Variants in EPHB1 observed in about 807,000 individuals in gnomAD.
EPHB1 encodes EPH receptor B1.
Under a neutral mutation model 94.4 loss-of-function variants are expected in EPHB1, and 30 were observed. That is an observed-to-expected ratio of 0.32 (90% confidence interval 0.24 to 0.43). The LOEUF (loss-of-function observed/expected upper bound fraction) is 0.43. EPHB1 is among the 20% of genes least tolerant of loss of function. EPHB1 has a pLI of 1.00. For missense variants in EPHB1, 1,055 were observed against 1,308.3 expected (o/e 0.81, Z 2.99); for synonymous variants, 522 against 489.1 (o/e 1.07, Z -0.89).
chr3:135,059,333 A>G (rs1576353022), intron 3 of EPHB1, among the ~76,000 whole-genome samples: 1 of 152,218 alleles, frequency 6.6e-6, no homozygotes, highest in African/African-American at 2.4e-5. Flanking sequence ...GTACCATGTT[A>G]TCTGGAATAT....
At chr3:135,115,019 A>G (rs1008442187) in intron 4 of EPHB1, among the ~76,000 whole-genome samples, 1 of 152,166 alleles carries the variant, frequency 6.6e-6, no homozygotes, top group African/African-American at 2.4e-5. Context: ...ATAAATTTTT[A>G]GAGAAAGAAA....
chr3:134,892,805 C>G (rs2038012285), intron 1 of EPHB1, among the ~76,000 whole-genome samples: 1 of 152,100 alleles, frequency 6.6e-6, no homozygotes, highest in South Asian at 2.1e-4. Flanking sequence ...CCTCCCCTCC[C>G]TCCCTCTATC....
At chr3:135,120,060 A>G (rs1029600708) in intron 4 of EPHB1, among the ~76,000 whole-genome samples, 6 of 152,198 alleles carry the variant, frequency 3.9e-5, no homozygotes, top group African/African-American at 1.2e-4. Context: ...AAGTCTCTGT[A>G]TATTATTCAT....
At chr3:135,223,953 G>A (rs1943331814) in intron 12 of EPHB1, among the ~76,000 whole-genome samples, 1 of 152,080 alleles carries the variant, frequency 6.6e-6, no homozygotes, top group Admixed American at 6.6e-5. Context: ...ATATAGTTAT[G>A]TGCCATATAA....
chr3:135,211,258 G>T (rs140188680), intron 12 of EPHB1, among the ~76,000 whole-genome samples: 1 of 152,112 alleles, frequency 6.6e-6, no homozygotes, highest in Non-Finnish European at 1.5e-5. Flanking sequence ...TGTTATATAT[G>T]TTCCATCTAC....
At chr3:134,882,193 T>C (rs989228051) in intron 1 of EPHB1, among the ~76,000 whole-genome samples, 4 of 152,182 alleles carry the variant, frequency 2.6e-5, no homozygotes, top group African/African-American at 9.7e-5. Flanking sequence ...TCAAGCCTCA[T>C]CCTATCAGGA....
chr3:135,072,916 A>T (rs1331389310), intron 3 of EPHB1, among the ~76,000 whole-genome samples: 1 of 152,004 alleles, frequency 6.6e-6, no homozygotes, highest in Non-Finnish European at 1.5e-5. Context: ...TGGCCCCTAC[A>T]TTTTCCAGTT....
At chr3:135,076,262 A>G (rs11916117) in intron 3 of EPHB1, among the ~76,000 whole-genome samples, 1 of 68,914 alleles carries the variant, frequency 1.5e-5, no homozygotes, top group Non-Finnish European at 2.6e-5. Context: ...TATATATATA[A>G]CTCTTAAATG....
intron 1 of EPHB1, among the ~76,000 whole-genome samples, chr3:134,914,572 G>C (rs775644341): frequency 6.6e-6 from 1 of 152,262 alleles, no homozygotes; most frequent in East Asian, 1.9e-4. Flanking sequence ...CAGGACTCTG[G>C]GGGGAGGGTT....
chr3:135,242,203 G>C (rs969898660), intron 13 of EPHB1, among the ~76,000 whole-genome samples: 4 of 152,192 alleles, frequency 2.6e-5, no homozygotes, highest in African/African-American at 7.2e-5. Context: ...CGTTGGAGCT[G>C]AGAGGATTAC....
chr3:135,062,454 A>C (rs1342550709), intron 3 of EPHB1, among the ~76,000 whole-genome samples: 1 of 151,920 alleles, frequency 6.6e-6, no homozygotes, highest in East Asian at 1.9e-4. Flanking sequence ...GATGCTGAGC[A>C]TTTTTTCATA....
intron 1 of EPHB1, among the ~76,000 whole-genome samples, chr3:134,881,936 A>G (rs771576488): frequency 5.9e-5 from 9 of 152,232 alleles, no homozygotes. Context: ...CAGAGGGTTA[A>G]TAAAGCTTTA....
chr3:134,837,726 G>A (rs1267475060), intron 1 of EPHB1, among the ~76,000 whole-genome samples: 2 of 152,332 alleles, frequency 1.3e-5, no homozygotes, highest in Admixed American at 1.3e-4. Context: ...CTCTGCTCTG[G>A]CCCTCAGATA....
chr3:135,116,764 C>T (rs903163153), intron 4 of EPHB1, among the ~76,000 whole-genome samples: 1 of 152,202 alleles, frequency 6.6e-6, no homozygotes, highest in Admixed American at 6.5e-5. Context: ...GAGCTTGCAG[C>T]CTTCTACCCT....
chr3:135,216,098 T>C (rs962047913), intron 12 of EPHB1, among the ~76,000 whole-genome samples: 2 of 152,162 alleles, frequency 1.3e-5, no homozygotes, highest in Non-Finnish European at 1.5e-5. Context: ...CTCCAGCATC[T>C]TTTCACGGGG....
At position 135,201,487 on chromosome 3, in the gene EPHB1, A is replaced by T. The variant is rs775383394; in HGVS notation, c.2144A>T (p.Gln715Leu). ...GTCTTATTACAGCAAAATGACGGGC[A>T]GTTCACCGTGATCCAGCTTGTGGGT... is the stretch of plus-strand genomic sequence containing the variant. ...LDSFLRQNDGQFTVIQLVGML... is the reference protein window; with the variant it reads ...LDSFLRQNDGLFTVIQLVGML... Residue 715 changes from glutamine (Q) to leucine (L), a missense_variant, in exon 12 of 16, where the codon CAG (glutamine) becomes CTG (leucine). Coordinates refer to ENST00000398015, the MANE Select transcript of EPHB1 (RefSeq NM_004441.5). 6.2e-7 allele frequency: 1 copy of T among 1,613,898 alleles called. No homozygotes were observed. Among genetic ancestry groups the T allele is most frequent in the Non-Finnish European group, 8.5e-7 (1 of 1,180,002 alleles).
At chr3:135,254,518 A>C (rs1400410789) in intron 15 of EPHB1, among the ~76,000 whole-genome samples, 1 of 150,372 alleles carries the variant, frequency 6.7e-6, no homozygotes, top group African/African-American at 2.4e-5. Context: ...GATTACATTT[A>C]TTGATTTGCG....
chr3:134,898,979 G>A (rs940387665), intron 1 of EPHB1, among the ~76,000 whole-genome samples: 1 of 152,150 alleles, frequency 6.6e-6, no homozygotes, highest in Non-Finnish European at 1.5e-5. Flanking sequence ...GGGGGTGGAG[G>A]GCACTGTCGG....
intron 1 of EPHB1, among the ~76,000 whole-genome samples, chr3:134,874,747 T>C (rs1287277941): frequency 1.3e-5 from 2 of 152,184 alleles, no homozygotes; most frequent in African/African-American, 2.4e-5. Flanking sequence ...TCACTCCTAA[T>C]GGGGAGACAT....
Sources: gnomAD v4.1 joint callset for allele counts (sites outside exome capture counted in the v4.1 genomes callset) on GRCh38, gnomAD v4.1.1 for gene constraint, MANE v1.5 for transcripts, NCBI Gene and HGNC (gene_info 2026-07-23, HGNC 2026-07-21) for gene names.